Variants in TRAPPC9 observed in about 807,000 individuals in gnomAD.
TRAPPC9 encodes trafficking protein particle complex subunit 9.
TRAPPC9 carries 83 observed loss-of-function variants against 124.0 expected under a neutral mutation model. The ratio of observed to expected loss-of-function variants is 0.67; its 90% CI spans 0.56 to 0.80. The LOEUF (loss-of-function observed/expected upper bound fraction) is 0.80. Among genes scored for constraint, TRAPPC9 ranks in the 30% least tolerant of loss-of-function variants. The pLI is 0.00. For synonymous variants in TRAPPC9, 638 were observed against 617.5 expected, an observed-to-expected ratio of 1.03 and a Z score of -0.49; for missense variants, 1,302 against 1,508.3, an observed-to-expected ratio of 0.86 and a Z score of 2.27.
rs577357991 is a variant in TRAPPC9, at chr8:140,282,440, T to C, written c.2114+1449A>G. Among the ~76,000 whole-genome samples the C allele has an allele frequency of 1.8e-3, 273 of 151,180 alleles. 2 individuals are homozygous for C. Among genetic ancestry groups the C allele is most frequent in the Non-Finnish European group, 3.4e-3 (233 of 67,870 alleles). Reference sequence around the variant, plus strand: ...ATTGCTTGAACCCGGGAGGTGAAGGTTGCAGTGAGCCGAGATTGCGCCACT... The same window carrying C: ...ATTGCTTGAACCCGGGAGGTGAAGGCTGCAGTGAGCCGAGATTGCGCCACT... On this transcript the variant is annotated intron_variant, in intron 14 of 22. Coordinates refer to ENST00000438773, the MANE Select transcript of TRAPPC9 (RefSeq NM_001160372.4).
intron 13 of TRAPPC9, among the ~76,000 whole-genome samples, chr8:140,285,558 G>A (rs1038882075): frequency 2.0e-5 from 3 of 152,224 alleles, no homozygotes; most frequent in South Asian, 2.1e-4. Flanking sequence ...AACCCAGGTC[G>A]GCCCTCTGCC....
intron 9 of TRAPPC9, among the ~76,000 whole-genome samples, chr8:140,342,426 G>C (rs557468630): frequency 6.6e-6 from 1 of 152,178 alleles, no homozygotes; most frequent in East Asian, 1.9e-4. Flanking sequence ...TTTATTAGCA[G>C]GTACTTATTA....
At chr8:140,334,558 G>C (rs1047000079) in intron 9 of TRAPPC9, among the ~76,000 whole-genome samples, 2 of 152,018 alleles carry the variant, frequency 1.3e-5, no homozygotes, top group East Asian at 3.9e-4. Flanking sequence ...GCTGAGGCAG[G>C]AGAATCGCTT....
intron 9 of TRAPPC9, among the ~76,000 whole-genome samples, chr8:140,326,334 C>T (rs2066737535): frequency 6.6e-6 from 1 of 152,058 alleles, no homozygotes; most frequent in Non-Finnish European, 1.5e-5. Context: ...CTGCCTTGTG[C>T]TCCGCTCTGT....
intron 19 of TRAPPC9, among the ~76,000 whole-genome samples, chr8:139,983,094 T>C (rs1442365058): frequency 6.6e-6 from 1 of 152,212 alleles, no homozygotes; most frequent in African/African-American, 2.4e-5. Context: ...GGAATCCACA[T>C]GACTAGGATC....
chr8:139,856,195 A>G (rs1468526010), intron 21 of TRAPPC9, among the ~76,000 whole-genome samples: 1 of 151,774 alleles, frequency 6.6e-6, no homozygotes, highest in Non-Finnish European at 1.5e-5. Context: ...AGATGTGGGG[A>G]TTTGGAGGAG....
intron 7 of TRAPPC9, among the ~76,000 whole-genome samples, chr8:140,394,176 T>C (rs538414475): frequency 3.1e-4 from 47 of 152,370 alleles, no homozygotes; most frequent in African/African-American, 1.1e-3. Context: ...CAGCATTAAC[T>C]TGCAAAGGCA....
chr8:140,120,865 T>C (rs1172107763), intron 17 of TRAPPC9, among the ~76,000 whole-genome samples: 4 of 151,134 alleles, frequency 2.6e-5, no homozygotes, highest in African/African-American at 9.8e-5. Context: ...CATCCAACAT[T>C]CATCCATCCA....
intron 17 of TRAPPC9, among the ~76,000 whole-genome samples, chr8:140,153,200 G>C (rs2061574953): frequency 6.6e-6 from 1 of 152,134 alleles, no homozygotes; most frequent in South Asian, 2.1e-4. Context: ...TTTTTCCTCA[G>C]ACTACAGGAC....
At chr8:140,381,667 CAAAAAAAAAAA>C (rs56659960) in intron 7 of TRAPPC9, among the ~76,000 whole-genome samples, 1 of 48,414 alleles carries the variant, frequency 2.1e-5, no homozygotes, top group Admixed American at 3.1e-4. Context: ...GACTCTGTCT[CAAAAAAAAAAA>C]AAAAAAAAAA....
intron 17 of TRAPPC9, among the ~76,000 whole-genome samples, chr8:140,061,577 G>A (rs1284395451): frequency 6.6e-6 from 1 of 152,202 alleles, no homozygotes; most frequent in Non-Finnish European, 1.5e-5. Flanking sequence ...GCCCTGTCCA[G>A]CCCCAGCAGT....
At chr8:139,807,213 G>A (rs1386404790) in intron 21 of TRAPPC9, among the ~76,000 whole-genome samples, 12 of 152,202 alleles carry the variant, frequency 7.9e-5, no homozygotes, top group Non-Finnish European at 4.4e-5. Flanking sequence ...CATAGCCAGC[G>A]GGACAGGAGT....
chr8:139,977,633 A>T (rs2131641705), intron 19 of TRAPPC9, among the ~76,000 whole-genome samples: 1 of 136,582 alleles, frequency 7.3e-6, no homozygotes, highest in Admixed American at 7.1e-5. Context: ...AAAAAAAAAA[A>T]TGCTGAATAC....
At chr8:140,115,257 A>AGTT (rs1237221759) in intron 17 of TRAPPC9, among the ~76,000 whole-genome samples, 1 of 151,252 alleles carries the variant, frequency 6.6e-6, no homozygotes, top group African/African-American at 2.4e-5. Context: ...CTTTGTAAAC[A>AGTT]GTTGTTATAA....
intron 21 of TRAPPC9, among the ~76,000 whole-genome samples, chr8:139,884,817 G>A (rs114728304): frequency 1.5e-3 from 235 of 152,320 alleles, no homozygotes; most frequent in African/African-American, 5.4e-3. Context: ...GAAGGAGCCC[G>A]AGTGTAAAAT....
intron 17 of TRAPPC9, chr8:140,100,134 AGGGTATTGACGCCCACCC>A (rs2060548764): frequency 6.6e-6 from 1 of 151,614 alleles, no homozygotes; most frequent in Admixed American, 6.6e-5. Context: ...CGCAATCTTC[AGGGTATTGACGCCCACCC>A]GGGTCCTCCG....
chr8:139,746,244 A>T (rs1465739867), intron 21 of TRAPPC9, among the ~76,000 whole-genome samples: 1 of 152,160 alleles, frequency 6.6e-6, no homozygotes, highest in Non-Finnish European at 1.5e-5. Flanking sequence ...CTGGTTGCAG[A>T]GGCTGTCTGG....
At chr8:140,347,368 A>G (rs115499447) in intron 9 of TRAPPC9, among the ~76,000 whole-genome samples, 2,352 of 152,316 alleles carry the variant, frequency 0.015, 54 homozygotes, top group African/African-American at 0.054. Flanking sequence ...CACGTAGCCC[A>G]ATCCCCTATA....
chr8:140,347,089 G>A (rs764609648), intron 9 of TRAPPC9, among the ~76,000 whole-genome samples: 8 of 152,184 alleles, frequency 5.3e-5, no homozygotes, highest in Non-Finnish European at 1.0e-4. Context: ...GGCCAGGCAC[G>A]CATGTTTAGC....
Sources: gnomAD v4.1 joint callset for allele counts (sites outside exome capture counted in the v4.1 genomes callset) on GRCh38, gnomAD v4.1.1 for gene constraint, MANE v1.5 for transcripts, NCBI Gene and HGNC (gene_info 2026-07-23, HGNC 2026-07-21) for gene names.